RBFOX1: variants seen among roughly 807,000 people sequenced by gnomAD.
The protein encoded by RBFOX1 is RNA binding fox-1 homolog 1.
In RBFOX1, 8 loss-of-function variants were observed where a neutral mutation model predicts 57.7. The ratio of observed to expected loss-of-function variants is 0.14; its 90% confidence interval spans 0.08 to 0.25. RBFOX1 has a LOEUF of 0.25. Ranked by LOEUF, RBFOX1 falls within the 10% of genes least tolerant of loss-of-function variation. The pLI is 1.00. For missense variants in RBFOX1, 611 were observed against 548.5 expected (o/e 1.11, Z -1.14); for synonymous variants, 326 against 222.4 (o/e 1.47, Z -4.15).
intron 3 of RBFOX1, among the ~76,000 whole-genome samples, chr16:6,831,478 A>G (rs1567457406): frequency 6.6e-6 from 1 of 152,308 alleles, no homozygotes; most frequent in East Asian, 1.9e-4. Flanking sequence ...AATGCCCATT[A>G]TATATCATTT....
intron 4 of RBFOX1, among the ~76,000 whole-genome samples, chr16:7,142,397 C>T (rs1021204887): frequency 1.3e-5 from 2 of 152,160 alleles, no homozygotes; most frequent in African/African-American, 4.8e-5. Flanking sequence ...TCCTGAGCTT[C>T]TTGTTGATGT....
chr16:6,368,972 A>G (rs981700892), intron 2 of RBFOX1, among the ~76,000 whole-genome samples: 1 of 152,216 alleles, frequency 6.6e-6, no homozygotes, highest in Non-Finnish European at 1.5e-5. Flanking sequence ...AAAAGGAACA[A>G]TAGGATGTGT....
intron 1 of RBFOX1, among the ~76,000 whole-genome samples, chr16:5,407,208 C>T (rs1203750285): frequency 6.6e-6 from 1 of 152,154 alleles, no homozygotes; most frequent in Non-Finnish European, 1.5e-5. Flanking sequence ...AGAACTCACT[C>T]AGTATCATGA....
At chr16:7,483,380 C>G (rs2064522072) in intron 4 of RBFOX1, among the ~76,000 whole-genome samples, 1 of 152,162 alleles carries the variant, frequency 6.6e-6, no homozygotes, top group Non-Finnish European at 1.5e-5. Flanking sequence ...TTATTTATCT[C>G]TTCTAGATTC....
chr16:7,369,482 G>T (rs996926357), intron 4 of RBFOX1, among the ~76,000 whole-genome samples: 1 of 151,992 alleles, frequency 6.6e-6, no homozygotes, highest in African/African-American at 2.4e-5. Flanking sequence ...TAATAATGAG[G>T]TTTTTAATAA....
Position 7,009,888 on chromosome 16 carries a change from GT to G in RBFOX1, c.-15-42166del, listed in dbSNP as rs377383101. On this transcript the variant is annotated intron_variant, in intron 3 of 15. Transcript: ENST00000550418. ...AATATTCCTGGGCTATTTTGGTGCCGTTTAGCTGTGAACAAGTTTAATAATT... is the reference window on the plus strand; with the variant it reads ...AATATTCCTGGGCTATTTTGGTGCCGTTAGCTGTGAACAAGTTTAATAATT... 7.9e-5 allele frequency among the ~76,000 whole-genome samples: 12 copies of G among 152,294 alleles called. No homozygotes were observed. In the East Asian group the frequency reaches 2.1e-3, roughly 27 times the overall value.
chr16:6,426,888 G>C (rs964900784), intron 2 of RBFOX1, among the ~76,000 whole-genome samples: 1 of 152,086 alleles, frequency 6.6e-6, no homozygotes, highest in South Asian at 2.1e-4. Context: ...GAGCATTTGG[G>C]GGTCACGCTG....
chr16:6,951,033 G>A (rs562384224), intron 3 of RBFOX1, among the ~76,000 whole-genome samples: 4 of 151,924 alleles, frequency 2.6e-5, no homozygotes, highest in Non-Finnish European at 5.9e-5. Flanking sequence ...TGCCTCTCGA[G>A]TAGGTGGGAC....
intron 1 of RBFOX1, among the ~76,000 whole-genome samples, chr16:6,119,067 A>G (rs997840237): frequency 4.8e-5 from 7 of 146,752 alleles, no homozygotes; most frequent in African/African-American, 1.8e-4. Context: ...CTTGCTTGCC[A>G]TGGGATCTTG....
intron 3 of RBFOX1, among the ~76,000 whole-genome samples, chr16:7,036,331 C>T (rs1490943559): frequency 1.3e-5 from 2 of 152,060 alleles, no homozygotes. Context: ...GCCAATTTTT[C>T]ACAATCTTGG....
intron 3 of RBFOX1, among the ~76,000 whole-genome samples, chr16:6,974,984 T>G (rs1450781531): frequency 6.6e-6 from 1 of 152,228 alleles, no homozygotes; most frequent in Non-Finnish European, 1.5e-5. Flanking sequence ...CTTCTGCTTC[T>G]AATTCTGGAA....
chr16:6,227,542 C>T (rs780158255), intron 1 of RBFOX1, among the ~76,000 whole-genome samples: 2 of 152,092 alleles, frequency 1.3e-5, no homozygotes, highest in Non-Finnish European at 2.9e-5. Flanking sequence ...AGGGTAGGGA[C>T]AGAAGTGAGC....
At chr16:5,834,196 C>G (rs2056377272) in intron 3 of RBFOX1, among the ~76,000 whole-genome samples, 1 of 152,152 alleles carries the variant, frequency 6.6e-6, no homozygotes, top group African/African-American at 2.4e-5. Flanking sequence ...GTGGTGAAGT[C>G]TGAGCTTTTA....
At chr16:6,211,925 C>G (rs1450732120) in intron 1 of RBFOX1, among the ~76,000 whole-genome samples, 1 of 152,144 alleles carries the variant, frequency 6.6e-6, no homozygotes. Context: ...TCTCAGCTCA[C>G]TGCAACCTCT....
At chr16:6,575,720 G>A (rs1218884793) in intron 2 of RBFOX1, among the ~76,000 whole-genome samples, 1 of 151,780 alleles carries the variant, frequency 6.6e-6, no homozygotes, top group African/African-American at 2.4e-5. Flanking sequence ...TAACTGGTGT[G>A]GTAGCAGACG....
chr16:7,253,182 G>A (rs986176225), intron 4 of RBFOX1, among the ~76,000 whole-genome samples: 2 of 152,120 alleles, frequency 1.3e-5, no homozygotes, highest in African/African-American at 4.8e-5. Context: ...TTGTTTCTTT[G>A]GAAGAAGCAG....
intron 4 of RBFOX1, among the ~76,000 whole-genome samples, chr16:7,169,990 T>G (rs2080362714): frequency 6.6e-6 from 1 of 152,108 alleles, no homozygotes; most frequent in African/African-American, 2.4e-5. Flanking sequence ...GGAGGATCAC[T>G]TGAGCCTGGG....
intron 3 of RBFOX1, among the ~76,000 whole-genome samples, chr16:6,991,251 G>A (rs1479015332): frequency 2.0e-5 from 3 of 151,338 alleles, no homozygotes; most frequent in Non-Finnish European, 4.4e-5. Flanking sequence ...AGTGAGTTGA[G>A]ACCATGCCAC....
chr16:6,557,306 A>G (rs1479070522), intron 2 of RBFOX1, among the ~76,000 whole-genome samples: 1 of 151,882 alleles, frequency 6.6e-6, no homozygotes, highest in Non-Finnish European at 1.5e-5. Context: ...ATAAAGCAGA[A>G]TCTTGCTTTC....
Sources: gnomAD v4.1 joint callset for allele counts (sites outside exome capture counted in the v4.1 genomes callset) on GRCh38, gnomAD v4.1.1 for gene constraint, MANE v1.5 for transcripts, NCBI Gene and HGNC (gene_info 2026-07-23, HGNC 2026-07-21) for gene names.